Variants in CDON observed in about 807,000 individuals in gnomAD.
CDON encodes cell adhesion molecule-related/down-regulated by oncogenes.
Under a neutral mutation model 120.9 loss-of-function variants are expected in CDON, and 73 were observed. The observed-to-expected ratio is 0.60, with a 90% CI of 0.50 to 0.73. CDON has a LOEUF of 0.73. CDON is among the 30% of genes least tolerant of loss of function. The pLI is 0.00. For synonymous variants in CDON, 566 were observed against 573.5 expected (o/e 0.99, Z 0.19); for missense variants, 1,470 against 1,587.3 (o/e 0.93, Z 1.26).
intron 1 of CDON, among the ~76,000 whole-genome samples, chr11:126,052,822 CAAA>C (rs34621999): frequency 2.5e-5 from 2 of 78,550 alleles, no homozygotes. Context: ...GACTCCGTCT[CAAA>C]AAAAAAAAAA....
intron 1 of CDON, among the ~76,000 whole-genome samples, chr11:126,051,507 C>T (rs372136215): frequency 2.2e-4 from 34 of 152,182 alleles, no homozygotes; most frequent in Admixed American, 5.2e-4. Flanking sequence ...CCTGAGCTAA[C>T]GTTTATCTGA....
rs1363794035 is a variant in CDON at position 125,997,237 on chromosome 11, G to A, written c.2332C>T (p.Leu778Phe). 2 of 1,613,816 alleles carry A rather than the reference G, an allele frequency of 1.2e-6. No individual in the cohort carries two copies. Among genetic ancestry groups the A allele is most frequent in the East Asian group, 2.2e-5 (1 of 44,880 alleles). ...VAAEDIPPSK[L>F]SVEVRSLEPG... ...TCTAAACTACGAACTTCCACTGAAA[G>A]TTTGGAAGGAGGGATGTCTTCAGCT... Residue 778 changes from leucine to phenylalanine, a missense_variant, in exon 12 of 20, where the codon CTT (leucine) becomes TTT (phenylalanine). Physicochemically the swap from Leu to Phe is conservative, Grantham distance 22. Coordinates refer to ENST00000531738, the MANE Select transcript of CDON (RefSeq NM_001378964.1).
chr11:125,997,190 C>T lies in CDON; in HGVS notation c.2362+17G>A, dbSNP rs780456889. On this transcript the variant is annotated intron_variant, in intron 12 of 19. Coordinates refer to ENST00000531738, the MANE Select transcript of CDON (RefSeq NM_001378964.1). ...AGTTCACATCGATGGTAAAAGGAAA[C>T]GTTTGAATATTACTACCTGGTTCTA... 48 of 1,567,234 alleles carry T rather than the reference C, an allele frequency of 3.1e-5. No individual in the cohort carries two copies. The Admixed American group carries it at 3.2e-4, about 10-fold the overall frequency.
In CDON at chr11:125,994,338, A is replaced by T. The variant is rs763410611; in HGVS notation, c.2596T>A (p.Tyr866Asn). The T allele has an allele frequency of 6.2e-7, 1 of 1,603,296 alleles. No homozygotes were observed. Among genetic ancestry groups the T allele is most frequent in the Non-Finnish European group, 8.5e-7 (1 of 1,170,234 alleles). ...NTPIQGFYIY[Y>N]RPTDSDNDSD... ...TCATTGTCACTATCTGTTGGTCGGT[A>T]ATAGATATAAAATCCTTGAATGGGA... The change falls in exon 14 of 20, where the codon TAC (tyrosine) becomes AAC (asparagine). Residue 866 changes from tyrosine to asparagine, a missense_variant. By Grantham distance (143) the Tyr-to-Asn change is moderately radical (BLOSUM62 -2). Coordinates refer to ENST00000531738, the MANE Select transcript of CDON (RefSeq NM_001378964.1).
intron 13 of CDON, among the ~76,000 whole-genome samples, 155 bp from the exon 14 acceptor site, chr11:125,994,544 G>T (rs1190603045): frequency 6.6e-6 from 1 of 152,118 alleles, no homozygotes; most frequent in Admixed American, 6.6e-5. Flanking sequence ...GGTATTAAAA[G>T]CATTTAGCTT....
At chr11:126,040,643 G>A (rs1271903293) in intron 1 of CDON, among the ~76,000 whole-genome samples, 5 of 150,736 alleles carry the variant, frequency 3.3e-5, no homozygotes, top group Admixed American at 2.0e-4. Flanking sequence ...GTGAAACCCC[G>A]TCTCTACTAA....
At chr11:126,048,192 G>C (rs995798518) in intron 1 of CDON, among the ~76,000 whole-genome samples, 9 of 151,296 alleles carry the variant, frequency 5.9e-5, no homozygotes, top group Admixed American at 4.6e-4. Context: ...TGAGGCATGA[G>C]AATCGCTTGA....
At chr11:126,009,587 C>T (rs139588392) in intron 8 of CDON, among the ~76,000 whole-genome samples, 44 of 152,300 alleles carry the variant, frequency 2.9e-4, no homozygotes, top group African/African-American at 8.4e-4. Context: ...CCACGCTAAG[C>T]CCCTTAAAGC....
Position 126,046,606 on chromosome 11 carries a change from G to A in CDON, c.-62+15973C>T, listed in dbSNP as rs576315702. Among the ~76,000 whole-genome samples the A allele has an allele frequency of 3.9e-5, 6 of 152,286 alleles. No homozygotes were observed. The South Asian group carries it at 8.3e-4, about 21-fold the overall frequency. On this transcript the variant is annotated intron_variant, in intron 1 of 19. Coordinates refer to ENST00000531738, the MANE Select transcript of CDON (RefSeq NM_001378964.1). ...CAAGAGCCAGCTGAAAAAGGGCGAC[G>A]GTGGCCCCCCTTGTCATTTTCCGAT...
At chr11:125,985,283 C>G (rs1442263915) in intron 15 of CDON, among the ~76,000 whole-genome samples, 1 of 152,214 alleles carries the variant, frequency 6.6e-6, no homozygotes, top group Non-Finnish European at 1.5e-5. Flanking sequence ...CAGCGATTCT[C>G]CTGCCTCAGC....
At chr11:126,021,633 TA>T in intron 2 of CDON, 113 bp from the exon 3 acceptor site, 1 of 912,552 alleles carries the variant, frequency 1.1e-6, no homozygotes, top group Non-Finnish European at 1.6e-6. Flanking sequence ...GGCAATCTTT[TA>T]TTTTATATAT....
chr11:126,011,612 T>C (rs891739987), intron 7 of CDON, among the ~76,000 whole-genome samples: 2 of 152,254 alleles, frequency 1.3e-5, no homozygotes, highest in African/African-American at 4.8e-5. Context: ...CTGTATATAC[T>C]AGATTCTGTT....
At position 126,048,982 on chromosome 11, in the gene CDON, C is replaced by T. The variant is rs757664744; in HGVS notation, c.-62+13597G>A. On this transcript the variant is annotated intron_variant, in intron 1 of 19. Transcript: ENST00000531738. ...CCTTCCAAAATGCTGGGATTACAGGCGTGAGCCAACAGGCGTGAGCCAACA... is the reference window on the plus strand; with the variant it reads ...CCTTCCAAAATGCTGGGATTACAGGTGTGAGCCAACAGGCGTGAGCCAACA... Among the ~76,000 whole-genome samples the T allele has an allele frequency of 2.0e-4, 20 of 101,254 alleles. 1 individual carries two copies. The highest frequency in any genetic ancestry group is 1.6e-3 in the East Asian group (8 of 5,084). The allele number at this position is 101,254 out of a possible 152,430, so 66.4% of individuals were successfully genotyped here.
intron 1 of CDON, among the ~76,000 whole-genome samples, chr11:126,041,193 A>AG (rs1488707664): frequency 1.3e-5 from 2 of 151,838 alleles, no homozygotes; most frequent in African/African-American, 4.8e-5. Flanking sequence ...CTGTCTAAAA[A>AG]AAAAAAAAAA....
chr11:126,046,642 C>T (rs1051920409), intron 1 of CDON, among the ~76,000 whole-genome samples: 4 of 152,170 alleles, frequency 2.6e-5, no homozygotes, highest in African/African-American at 9.7e-5. Flanking sequence ...TCTACAACAC[C>T]TTCTGGCTCC....
At chr11:126,032,200 G>C (rs547933825) in intron 1 of CDON, among the ~76,000 whole-genome samples, 34 of 152,268 alleles carry the variant, frequency 2.2e-4, no homozygotes, top group African/African-American at 8.2e-4. Context: ...CCAGGAAAAA[G>C]AGAAGGCTCA....
chr11:126,033,492 C>G, intron 1 of CDON, among the ~76,000 whole-genome samples: 1 of 152,006 alleles, frequency 6.6e-6, no homozygotes, highest in East Asian at 1.9e-4. Context: ...ACTATCAATA[C>G]TACTAATGAA....
At chr11:125,986,592 C>G (rs1200108329) in intron 15 of CDON, among the ~76,000 whole-genome samples, 1 of 151,908 alleles carries the variant, frequency 6.6e-6, no homozygotes, top group African/African-American at 2.4e-5. Context: ...GGTGAAACCC[C>G]ATCTCTACTA....
At position 125,997,411 on chromosome 11, in the gene CDON, C is replaced by T. The variant is rs1175482271; in HGVS notation, c.2159-1G>A. ...GTAGGCCGATCTGGTGCCTCTGGAA[C>T]TAAACACGGAAACGTTCATTTCAAT... On this transcript the variant is annotated splice_acceptor_variant, in intron 11 of 19. Coordinates refer to ENST00000531738, the MANE Select transcript of CDON (RefSeq NM_001378964.1). LOFTEE classifies it high-confidence loss of function. 2 of 1,606,410 alleles carry T rather than the reference C, an allele frequency of 1.2e-6. No homozygotes were observed. The highest frequency in any genetic ancestry group is 2.2e-5 in the South Asian group (2 of 90,420).
Sources: allele counts gnomAD v4.1 joint callset (sites outside exome capture counted in the v4.1 genomes callset), GRCh38; gene constraint gnomAD v4.1.1; transcripts MANE v1.5; gene names NCBI Gene and HGNC (gene_info 2026-07-23, HGNC 2026-07-21).